The following OMA1 variants were observed in gnomAD, a reference collection of about 807,000 sequenced individuals.
OMA1 encodes OMA1 zinc metallopeptidase.
A neutral mutation model predicts 30.9 loss-of-function variants in OMA1; 38 were observed. The ratio of observed to expected loss-of-function variants is 1.23; its 90% confidence interval spans 0.95 to 1.61. The LOEUF (loss-of-function observed/expected upper bound fraction) is 1.61, where lower values mean the gene tolerates loss of function less well. Among genes scored for constraint, OMA1 ranks in the 40% most tolerant of loss-of-function variants. OMA1 has a pLI of 0.00. For synonymous variants in OMA1, 173 were observed against 121.9 expected (o/e 1.42, Z -2.76); for missense variants, 461 against 349.2 (o/e 1.32, Z -2.55).
Position 58,527,177 on chromosome 1 carries a change from T to TA in OMA1, c.1215+83dup, listed in dbSNP as rs1309803143. The TA allele has an allele frequency of 3.8e-6, 3 of 794,160 alleles. No individual in the cohort carries two copies. In the South Asian group the frequency reaches 4.1e-5, roughly 11 times the overall value. 49.2% of individuals were successfully genotyped at this position (794,160 alleles called of 1,614,324 possible). A position where few individuals can be genotyped will look rare whatever the true frequency, so the allele number is the denominator to read the frequency against. ...TACAGTCCAACTCTCATTCTCTGCT[T>TA]ATGCCAAGCCTCATTAAAATAACAC... On this transcript the variant is annotated intron_variant, in intron 7 of 8. Transcript: ENST00000371226.
chr1:58,541,614 CAAA>C (rs60360589), intron 1 of OMA1: 27 of 65,632 alleles, frequency 4.1e-4, no homozygotes, highest in South Asian at 7.5e-4. Context: ...GAGAACCTGT[CAAA>C]AAAAAAAAAA....
intron 8 of OMA1, among the ~76,000 whole-genome samples, chr1:58,484,900 G>C (rs573717378): frequency 2.0e-5 from 3 of 152,178 alleles, no homozygotes; most frequent in African/African-American, 7.2e-5. Context: ...CAGGGGCTAG[G>C]GGGAGGGAGG....
intron 8 of OMA1, among the ~76,000 whole-genome samples, chr1:58,490,499 C>A (rs2100373815): frequency 6.6e-6 from 1 of 152,138 alleles, no homozygotes; most frequent in Non-Finnish European, 1.5e-5. Context: ...GAGAATGGAA[C>A]CAAGTTGGAA....
At chr1:58,485,678 A>T (rs543605849) in intron 8 of OMA1, among the ~76,000 whole-genome samples, 5 of 151,926 alleles carry the variant, frequency 3.3e-5, no homozygotes, top group Non-Finnish European at 5.9e-5. Flanking sequence ...ATAAATTCTA[A>T]TCTATCTTAT....
chr1:58,496,509 C>T (rs1270869967), intron 8 of OMA1, among the ~76,000 whole-genome samples: 2 of 152,040 alleles, frequency 1.3e-5, no homozygotes, highest in South Asian at 2.1e-4. Flanking sequence ...TTTTGTTTTT[C>T]GTATTTCTGC....
intron 7 of OMA1, among the ~76,000 whole-genome samples, chr1:58,509,864 A>C (rs577490868): frequency 6.6e-6 from 1 of 152,216 alleles, no homozygotes; most frequent in South Asian, 2.1e-4. Flanking sequence ...TACTCTGAAC[A>C]ATTATATGCC....
chr1:58,536,565 A>T lies in OMA1; in HGVS notation c.677T>A (p.Leu226Gln), dbSNP rs1168394744. The change falls in exon 3 of 9, where the codon CTA becomes CAA. Residue 226 changes from leucine (L) to glutamine (Q), a missense_variant. Physicochemically the swap from Leu to Gln is moderately radical, Grantham distance 113. Coordinates refer to ENST00000371226, the MANE Select transcript of OMA1 (RefSeq NM_145243.5). ...TCTGAACTGTTCTTTCCCCAATAATAGTAGCTTGCTCCTTCCTGTGATTGG... is the reference window on the plus strand; with the variant it reads ...TCTGAACTGTTCTTTCCCCAATAATTGTAGCTTGCTCCTTCCTGTGATTGG... ...VSPITGRSKL[L>Q]LLGKEQFRLL... 26 of 872,738 alleles carry T rather than the reference A, an allele frequency of 3.0e-5. No individual in the cohort carries two copies. Among genetic ancestry groups the T allele is most frequent in the Non-Finnish European group, 4.6e-5 (23 of 501,636 alleles). 54.1% of individuals were successfully genotyped at this position (872,738 alleles called of 1,614,324 possible).
intron 8 of OMA1, among the ~76,000 whole-genome samples, chr1:58,491,777 G>C (rs865847815): frequency 7.2e-5 from 11 of 152,160 alleles, no homozygotes; most frequent in Admixed American, 3.9e-4. Context: ...AGTCCTTAGA[G>C]ACCTACAAAG....
At chr1:58,541,241 C>G (rs373417263) in intron 1 of OMA1, among the ~76,000 whole-genome samples, 55 of 112,664 alleles carry the variant, frequency 4.9e-4, no homozygotes, top group African/African-American at 1.8e-3. Flanking sequence ...TTGCAGTGAG[C>G]CGAGATGACG....
intron 8 of OMA1, among the ~76,000 whole-genome samples, chr1:58,495,906 G>A (rs1372087441): frequency 6.6e-6 from 1 of 152,028 alleles, no homozygotes; most frequent in African/African-American, 2.4e-5. Flanking sequence ...TTTTTACCTA[G>A]GTAGCTTGTA....
At chr1:58,532,197 C>G (rs1287436618) in intron 5 of OMA1, among the ~76,000 whole-genome samples, 1 of 152,152 alleles carries the variant, frequency 6.6e-6, no homozygotes, top group Non-Finnish European at 1.5e-5. Flanking sequence ...AAAACTGAGA[C>G]TCCCAAAAGA....
At chr1:58,509,763 A>T (rs896361457) in intron 7 of OMA1, among the ~76,000 whole-genome samples, 1 of 151,896 alleles carries the variant, frequency 6.6e-6, no homozygotes, top group African/African-American at 2.4e-5. Flanking sequence ...AGTAAGAAAA[A>T]AAAAGACTTA....
chr1:58,482,523 G>C (rs1645505443), intron 8 of OMA1, among the ~76,000 whole-genome samples: 1 of 151,772 alleles, frequency 6.6e-6, no homozygotes, highest in Non-Finnish European at 1.5e-5. Context: ...GACATTTAGG[G>C]GAAAAAGCTA....
At position 58,534,261 on chromosome 1, in the gene OMA1, A is replaced by C. The variant is rs764595590; in HGVS notation, c.800T>G (p.Leu267Arg). ...TTTATTGCATTCAATTAGATGACAA[A>C]GCACTTCTTTAACAGCCAGGTATCG... ...DARYLAVKEV[L>R]CHLIECNKDV... Residue 267 changes from leucine to arginine, a missense_variant, in exon 4 of 9, where the codon CTT (leucine) becomes CGT (arginine). By Grantham distance (102) the Leu-to-Arg change is moderately radical (BLOSUM62 -2). Coordinates refer to ENST00000371226, the MANE Select transcript of OMA1 (RefSeq NM_145243.5). 1.3e-5 allele frequency: 11 copies of C among 871,530 alleles called. No individual in the cohort carries two copies. In the Admixed American group the frequency reaches 1.9e-4, roughly 15 times the overall value. 54.0% of individuals were successfully genotyped at this position (871,530 alleles called of 1,614,324 possible). A position where few individuals can be genotyped will look rare whatever the true frequency, so the allele number is the denominator to read the frequency against.
chr1:58,491,538 C>T (rs1569880797), intron 8 of OMA1, among the ~76,000 whole-genome samples: 1 of 152,078 alleles, frequency 6.6e-6, no homozygotes, highest in African/African-American at 2.4e-5. Context: ...TGCAGAGACA[C>T]ACATAGGTTC....
chr1:58,541,614 CAAAAAAAA>C (rs60360589), intron 1 of OMA1: 10 of 65,634 alleles, frequency 1.5e-4, no homozygotes, highest in South Asian at 7.5e-4. Flanking sequence ...GAGAACCTGT[CAAAAAAAA>C]AAAAAAAAAA....
intron 3 of OMA1, 64 bp downstream of exon 3, chr1:58,536,449 A>G (rs1646518466): frequency 1.3e-6 from 1 of 741,590 alleles, no homozygotes; most frequent in African/African-American, 1.8e-5. Flanking sequence ...TTCACATTTA[A>G]GATACTTTCC....
At position 58,540,279 on chromosome 1, in the gene OMA1, C is replaced by G. The variant is rs112318679; in HGVS notation, c.-16-969G>C. The stretch of plus-strand genomic sequence containing the variant: ...ATGCTTCCAAGCAACAACTGCATCC[C>G]AGGAAAAAAAAAAAATCTAAACAGG... On this transcript the variant is annotated intron_variant, in intron 1 of 8. Coordinates refer to ENST00000371226, the MANE Select transcript of OMA1 (RefSeq NM_145243.5). Among the ~76,000 whole-genome samples the G allele has an allele frequency of 8.2e-3, 1,110 of 136,168 alleles. 5 individuals carry two copies. The highest frequency in any genetic ancestry group is 0.022 in the African/African-American group (780 of 36,214). 89.3% of individuals were successfully genotyped at this position (136,168 alleles called of 152,430 possible).
chr1:58,491,505 G>A (rs989314195), intron 8 of OMA1, among the ~76,000 whole-genome samples: 17 of 152,114 alleles, frequency 1.1e-4, no homozygotes, highest in Non-Finnish European at 2.1e-4. Flanking sequence ...TCAGTGTGCT[G>A]TATTCAGGAA....
Sources: allele counts gnomAD v4.1 joint callset (sites outside exome capture counted in the v4.1 genomes callset), GRCh38; gene constraint gnomAD v4.1.1; transcripts MANE v1.5; gene names NCBI Gene and HGNC (gene_info 2026-07-23, HGNC 2026-07-21).